OPCML: variants seen among roughly 807,000 people sequenced by gnomAD.
OPCML encodes the protein opioid binding protein/cell adhesion molecule like.
A neutral mutation model predicts 37.8 loss-of-function variants in OPCML; 13 were observed. That is an observed-to-expected ratio of 0.34 (90% confidence interval 0.22 to 0.55). The LOEUF (loss-of-function observed/expected upper bound fraction) is 0.55. Ranked by LOEUF, OPCML falls within the 20% of genes least tolerant of loss-of-function variation. The probability of loss-of-function intolerance (pLI) is 0.91; values close to 1 mark genes in which losing one functional copy is unlikely to be tolerated. For missense variants in OPCML, 341 were observed against 435.6 expected (o/e 0.78, Z 1.93); for synonymous variants, 176 against 168.8 (o/e 1.04, Z -0.33).
At chr11:133,516,341 G>A (rs1054875193) in intron 1 of OPCML, among the ~76,000 whole-genome samples, 5 of 152,140 alleles carry the variant, frequency 3.3e-5, no homozygotes, top group East Asian at 3.9e-4. Flanking sequence ...CCTTGGAGCC[G>A]TCACAGCCAG....
At chr11:132,429,051 G>GGATT (rs1479903667) in intron 7 of OPCML, among the ~76,000 whole-genome samples, 1 of 150,940 alleles carries the variant, frequency 6.6e-6, no homozygotes, top group Non-Finnish European at 1.5e-5. Context: ...ATGGATGGAT[G>GGATT]GATGGATGGA....
At chr11:132,995,760 C>T (rs1448061661) in intron 1 of OPCML, among the ~76,000 whole-genome samples, 2 of 152,142 alleles carry the variant, frequency 1.3e-5, no homozygotes, top group African/African-American at 4.8e-5. Context: ...AAGGGAAGAC[C>T]TGGCTTTAGT....
chr11:132,596,567 A>T lies in OPCML; in HGVS notation c.379+60520T>A, dbSNP rs117052378. On this transcript the variant is annotated intron_variant, in intron 3 of 7. Transcript: ENST00000524381. Reference sequence around the variant, plus strand: ...AGGACTAGAGCAAAAACCTCTAAGGACCTACTCTGTCAAGGGTTGTGTTGT... The same window carrying T: ...AGGACTAGAGCAAAAACCTCTAAGGTCCTACTCTGTCAAGGGTTGTGTTGT... 1.5e-3 allele frequency among the ~76,000 whole-genome samples: 236 copies of T among 152,274 alleles called. 6 individuals carry two copies. The East Asian group carries it at 0.038, about 24-fold the overall frequency.
At chr11:133,086,717 C>A (rs1196966289) in intron 1 of OPCML, among the ~76,000 whole-genome samples, 1 of 152,114 alleles carries the variant, frequency 6.6e-6, no homozygotes, top group East Asian at 1.9e-4. Context: ...AAAGTTTGTA[C>A]CCTTTGACCA....
intron 2 of OPCML, among the ~76,000 whole-genome samples, chr11:132,912,212 G>T (rs1591793186): frequency 6.6e-6 from 1 of 152,098 alleles, no homozygotes; most frequent in Middle Eastern, 3.4e-3. Context: ...ATATAATATT[G>T]AAATTTTGAC....
At chr11:133,463,098 A>G (rs1434342578) in intron 1 of OPCML, among the ~76,000 whole-genome samples, 2 of 142,150 alleles carry the variant, frequency 1.4e-5, no homozygotes, top group African/African-American at 5.5e-5. Context: ...CAAGCACTGT[A>G]TGAGTTCATG....
chr11:132,798,422 T>C (rs535060688), intron 2 of OPCML, among the ~76,000 whole-genome samples: 1 of 152,354 alleles, frequency 6.6e-6, no homozygotes, highest in Non-Finnish European at 1.5e-5. Context: ...ATTTCAACAA[T>C]ATTCCCAGCA....
chr11:132,907,685 A>T (rs1275884118), intron 2 of OPCML, among the ~76,000 whole-genome samples: 1 of 151,994 alleles, frequency 6.6e-6, no homozygotes, highest in East Asian at 1.9e-4. Context: ...TGTAAATGTG[A>T]CTCCATCAAC....
At chr11:133,201,831 C>T (rs1454179989) in intron 1 of OPCML, among the ~76,000 whole-genome samples, 10 of 152,172 alleles carry the variant, frequency 6.6e-5, no homozygotes, top group Non-Finnish European at 1.5e-5. Flanking sequence ...TGCCTTCTCA[C>T]CGCCTCTCCA....
chr11:133,463,845 G>T (rs957938126), intron 1 of OPCML, among the ~76,000 whole-genome samples: 6 of 152,150 alleles, frequency 3.9e-5, no homozygotes, highest in East Asian at 1.9e-4. Flanking sequence ...TACATGAAAA[G>T]ATTCAAGAGG....
intron 1 of OPCML, among the ~76,000 whole-genome samples, chr11:133,092,372 C>G (rs1278476814): frequency 6.6e-6 from 1 of 152,174 alleles, no homozygotes; most frequent in African/African-American, 2.4e-5. Flanking sequence ...AAGTGGAGCC[C>G]TTCCCTGAAA....
At position 133,177,612 on chromosome 11, in the gene OPCML, T is replaced by C. The variant is rs7116982; in HGVS notation, c.62-234602A>G. ...AAATGTGAATACAACTCCAGTTCTG[T>C]ACCCGACCCTGCCCGGACTGCCCCA... On this transcript the variant is annotated intron_variant, in intron 1 of 7. Transcript: ENST00000524381. This position sits in a 1 kb window ranked among gnomAD's most constrained non-coding sequence, Gnocchi z 5.0. Among the ~76,000 whole-genome samples the C allele has an allele frequency of 0.16, 23,661 of 152,124 alleles. 1,944 individuals are homozygous for C. The highest frequency in any genetic ancestry group is 0.2 in the African/African-American group (8,178 of 41,478).
chr11:133,445,988 G>C (rs991009505), intron 1 of OPCML, among the ~76,000 whole-genome samples: 1 of 152,134 alleles, frequency 6.6e-6, no homozygotes, highest in Non-Finnish European at 1.5e-5. Context: ...GATCTAAAAG[G>C]GGGTCAAAAA....
At chr11:133,358,029 C>T (rs558381163) in intron 1 of OPCML, among the ~76,000 whole-genome samples, 2 of 152,296 alleles carry the variant, frequency 1.3e-5, no homozygotes, top group African/African-American at 2.4e-5. Context: ...TCCAGTCTTC[C>T]CCCAGCCTTT....
intron 2 of OPCML, among the ~76,000 whole-genome samples, chr11:132,856,437 G>A (rs1942058986): frequency 6.6e-6 from 1 of 152,168 alleles, no homozygotes; most frequent in African/African-American, 2.4e-5. Context: ...CTCCAGGAAT[G>A]TCAGGTGTCT....
At chr11:133,062,636 G>C (rs908401946) in intron 1 of OPCML, among the ~76,000 whole-genome samples, 1 of 152,174 alleles carries the variant, frequency 6.6e-6, no homozygotes. Flanking sequence ...TCTGAGCCCT[G>C]CTTGTAGATT....
intron 3 of OPCML, among the ~76,000 whole-genome samples, chr11:132,575,593 C>T (rs1179586798): frequency 1.3e-5 from 2 of 151,898 alleles, no homozygotes; most frequent in African/African-American, 2.4e-5. Context: ...TATTTTTAAA[C>T]ATATATTTAC....
At chr11:132,682,056 T>G (rs1489284019) in intron 2 of OPCML, among the ~76,000 whole-genome samples, 1 of 152,034 alleles carries the variant, frequency 6.6e-6, no homozygotes, top group Admixed American at 6.5e-5. Context: ...ACACGTGCCC[T>G]CTGGGGCTTC....
intron 2 of OPCML, among the ~76,000 whole-genome samples, chr11:132,904,794 T>G (rs2136514146): frequency 6.6e-6 from 1 of 152,202 alleles, no homozygotes; most frequent in South Asian, 2.1e-4. Context: ...GCAGTCTGAG[T>G]GGTGGTAATT....
Sources: allele counts gnomAD v4.1 joint callset (sites outside exome capture counted in the v4.1 genomes callset), GRCh38; gene constraint gnomAD v4.1.1; non-coding constraint Gnocchi (gnomAD v3.1); transcripts MANE v1.5; gene names NCBI Gene and HGNC (gene_info 2026-07-23, HGNC 2026-07-21).